METTL16: variants seen among roughly 807,000 people sequenced by gnomAD.
METTL16 encodes the protein RNA N(6)-adenosine-methyltransferase METTL16.
In METTL16, 19 loss-of-function variants were observed where a neutral mutation model predicts 57.9. The ratio of observed to expected loss-of-function variants is 0.33; its 90% CI spans 0.23 to 0.48. The LOEUF (loss-of-function observed/expected upper bound fraction) is 0.48, where lower values mean the gene tolerates loss of function less well. Ranked by LOEUF, METTL16 falls within the 20% of genes least tolerant of loss-of-function variation. METTL16 has a pLI of 0.99. For missense variants in METTL16, 434 were observed against 691.5 expected (o/e 0.63, Z 4.18); for synonymous variants, 246 against 255.6 (o/e 0.96, Z 0.36).
intron 8 of METTL16, among the ~76,000 whole-genome samples, chr17:2,423,393 C>G (rs1196058991): frequency 1.3e-5 from 2 of 151,880 alleles, no homozygotes; most frequent in African/African-American, 4.8e-5. Flanking sequence ...CAAGATGAGA[C>G]AAATTCATAT....
At chr17:2,428,453 G>A (rs1444722120) in intron 8 of METTL16, among the ~76,000 whole-genome samples, 1 of 139,408 alleles carries the variant, frequency 7.2e-6, no homozygotes, top group Non-Finnish European at 1.5e-5. Flanking sequence ...GCCTCAACCC[G>A]GGAGGCAGAG....
chr17:2,502,306 G>A lies in METTL16; in HGVS notation c.26C>T (p.Ala9Val). The A allele has an allele frequency of 6.2e-7, 1 of 1,613,480 alleles. No homozygotes were observed. The highest frequency in any genetic ancestry group is 8.5e-7 in the Non-Finnish European group (1 of 1,179,822). Reference sequence around the variant, plus strand: ...AGGTTTGTCCTTGTATCTATTTCTTGCATGCATTGATTTACTCAGAGCCAT... The same window carrying A: ...AGGTTTGTCCTTGTATCTATTTCTTACATGCATTGATTTACTCAGAGCCAT... The part of the protein sequence containing the change: MALSKSMH[A>V]RNRYKDKPPD... The change falls in exon 2 of 10, where the codon GCA becomes GTA. Residue 9 changes from alanine (A) to valine (V), a missense_variant. Physicochemically the swap from Ala to Val is moderately conservative, Grantham distance 64. Transcript: ENST00000263092.
intron 6 of METTL16, among the ~76,000 whole-genome samples, chr17:2,442,627 C>T (rs1289639005): frequency 6.6e-6 from 1 of 152,048 alleles, no homozygotes; most frequent in Non-Finnish European, 1.5e-5. Context: ...AGACAGAACT[C>T]TCAGTATCAG....
chr17:2,417,796 T>G lies in METTL16; in HGVS notation c.*2174A>C, dbSNP rs563029753. ...CTCGGGGTGATTTTGTTGTTTTGACTTTCATTTTTCCAAATCTTTAATGAG... is the reference window on the plus strand; with the variant it reads ...CTCGGGGTGATTTTGTTGTTTTGACGTTCATTTTTCCAAATCTTTAATGAG... On this transcript the variant is annotated 3_prime_UTR_variant, in exon 10 of 10. Transcript: ENST00000263092. The G allele has an allele frequency of 9.2e-5, 14 of 152,326 alleles. No homozygotes were observed. The East Asian group carries it at 2.7e-3, about 29-fold the overall frequency. The allele number at this position is 152,326 out of a possible 1,614,324, so 9.4% of individuals were successfully genotyped here.
At chr17:2,432,952 A>T (rs1478566005) in intron 8 of METTL16, among the ~76,000 whole-genome samples, 2 of 152,232 alleles carry the variant, frequency 1.3e-5, no homozygotes, top group African/African-American at 4.8e-5. Context: ...GTAAAGCCAG[A>T]CAGGGACCAG....
intron 6 of METTL16, among the ~76,000 whole-genome samples, chr17:2,460,995 C>T (rs2067146190): frequency 6.6e-6 from 1 of 151,646 alleles, no homozygotes; most frequent in African/African-American, 2.4e-5. Context: ...CTTTCTCAGA[C>T]TTTTCTCAAT....
intron 6 of METTL16, among the ~76,000 whole-genome samples, chr17:2,447,892 A>G (rs1597448422): frequency 3.6e-5 from 2 of 56,174 alleles, no homozygotes; most frequent in Non-Finnish European, 6.0e-5. Context: ...CCCGTCCGGG[A>G]GGGAGGTGGG....
intron 6 of METTL16, among the ~76,000 whole-genome samples, chr17:2,448,773 TAAA>T (rs1391105641): frequency 2.0e-4 from 6 of 29,612 alleles, no homozygotes; most frequent in Non-Finnish European, 4.1e-4. Flanking sequence ...AAATAAAAAA[TAAA>T]AAAATAAAAA....
chr17:2,431,441 A>G (rs1034169655), intron 8 of METTL16, among the ~76,000 whole-genome samples: 11 of 152,208 alleles, frequency 7.2e-5, no homozygotes, highest in Non-Finnish European at 1.6e-4. Context: ...ACATTCTTGT[A>G]CAATGTTTGT....
intron 8 of METTL16, chr17:2,424,154 C>T (rs998598518): frequency 2.7e-5 from 4 of 150,432 alleles, no homozygotes; most frequent in Admixed American, 2.0e-4. Flanking sequence ...CGCTCTGTCG[C>T]CCAGGCTGGA....
chr17:2,448,818 A>AAAAAAAAAAAAAATAAAATAAAAT (rs2067045862), intron 6 of METTL16, among the ~76,000 whole-genome samples: 1 of 137,868 alleles, frequency 7.3e-6, no homozygotes, highest in African/African-American at 3.0e-5. Flanking sequence ...AAAAAAAAAA[A>AAAAAAAAAAAAAATAAAATAAAAT]AAAAAAAAGA....
chr17:2,503,902 C>G (rs2067510303), intron 1 of METTL16, among the ~76,000 whole-genome samples: 2 of 152,044 alleles, frequency 1.3e-5, no homozygotes, highest in African/African-American at 4.8e-5. Context: ...TACGGTATAT[C>G]CATACAATAA....
chr17:2,471,814 G>A (rs1352040023), intron 4 of METTL16, among the ~76,000 whole-genome samples: 1 of 151,844 alleles, frequency 6.6e-6, no homozygotes, highest in Non-Finnish European at 1.5e-5. Context: ...AATAAGAAGG[G>A]ATCAATAAGC....
chr17:2,459,369 A>G (rs2067132676), intron 6 of METTL16, among the ~76,000 whole-genome samples: 1 of 152,234 alleles, frequency 6.6e-6, no homozygotes, highest in South Asian at 2.1e-4. Context: ...TTCCAGCTGC[A>G]AAATTCCTTA....
intron 6 of METTL16, among the ~76,000 whole-genome samples, chr17:2,460,778 G>A (rs1031586575): frequency 5.9e-5 from 9 of 151,758 alleles, no homozygotes; most frequent in South Asian, 2.1e-4. Context: ...CCAGCTACTC[G>A]GGAGGCTGAG....
chr17:2,485,193 C>T (rs1335562723), intron 2 of METTL16, among the ~76,000 whole-genome samples: 4 of 152,174 alleles, frequency 2.6e-5, no homozygotes, highest in Admixed American at 1.3e-4. Flanking sequence ...CTGGGAACGC[C>T]GCATGCGAGG....
intron 6 of METTL16, among the ~76,000 whole-genome samples, chr17:2,443,265 T>C (rs918165585): frequency 1.3e-5 from 2 of 152,204 alleles, no homozygotes; most frequent in East Asian, 1.9e-4. Flanking sequence ...TGAGCCACCA[T>C]GCGTGACAGA....
intron 6 of METTL16, among the ~76,000 whole-genome samples, chr17:2,454,193 C>A (rs12452730): frequency 0.012 from 1,889 of 152,168 alleles, 93 homozygotes; most frequent in Admixed American, 0.085. Context: ...TGGAATTTAC[C>A]GTTTCTCCAA....
rs541768149 is a variant in METTL16, at chr17:2,432,091, C to T, written c.888+6018G>A. Among the ~76,000 whole-genome samples the T allele has an allele frequency of 1.5e-4, 23 of 152,202 alleles. 1 individual carries two copies. The Middle Eastern group carries it at 0.014, about 90-fold the overall frequency. On this transcript the variant is annotated intron_variant, in intron 8 of 9. Transcript: ENST00000263092. ...TCTGGGGTAGCTGGGACTATAGGCGCGCACCACCATGTCCAGCTATTTTTT... is the reference window on the plus strand; with the variant it reads ...TCTGGGGTAGCTGGGACTATAGGCGTGCACCACCATGTCCAGCTATTTTTT...
Sources: gnomAD v4.1 joint callset for allele counts (sites outside exome capture counted in the v4.1 genomes callset) on GRCh38, gnomAD v4.1.1 for gene constraint, MANE v1.5 for transcripts, NCBI Gene and HGNC (gene_info 2026-07-23, HGNC 2026-07-21) for gene names.